The following PRKAR1A variants were observed in gnomAD, a reference collection of about 807,000 sequenced individuals.
The protein encoded by PRKAR1A is protein kinase cAMP-dependent type I regulatory subunit alpha.
In PRKAR1A, 3 loss-of-function variants were observed where a neutral mutation model predicts 52.0. That is an observed-to-expected ratio of 0.06 (90% CI 0.03 to 0.15). The LOEUF is 0.15. Ranked by LOEUF, PRKAR1A falls within the 10% of genes least tolerant of loss-of-function variation. PRKAR1A has a pLI of 1.00. For missense variants in PRKAR1A, 240 were observed against 477.4 expected, an observed-to-expected ratio of 0.50 and a Z score of 4.63; for synonymous variants, 188 against 168.4, an observed-to-expected ratio of 1.12 and a Z score of -0.90.
At chr17:68,489,378 G>A in the PRKAR1A span, among the ~76,000 whole-genome samples, 5 of 51,680 alleles carry the variant, frequency 9.7e-5, no homozygotes, top group Non-Finnish European at 1.8e-4. Context: ...ATATATATAT[G>A]GAAAGTATAT....
At chr17:68,427,774 G>A in the PRKAR1A span, among the ~76,000 whole-genome samples, 2 of 152,184 alleles carry the variant, frequency 1.3e-5, no homozygotes, top group African/African-American at 2.4e-5. Flanking sequence ...CACAGGTGAG[G>A]ACATGCTAGC....
intron 11 of PRKAR1A, chr17:68,539,964 T>A (rs1568718753): frequency 6.2e-7 from 1 of 1,614,058 alleles, no homozygotes. Context: ...CGGTCCATAT[T>A]CCCTGTGAAG....
the PRKAR1A span, among the ~76,000 whole-genome samples, chr17:68,493,398 T>C: frequency 6.6e-6 from 1 of 152,182 alleles, no homozygotes; most frequent in East Asian, 1.9e-4. Flanking sequence ...GTAATATTTT[T>C]TAAAAGTTAA....
At chr17:68,474,250 A>T in the PRKAR1A span, among the ~76,000 whole-genome samples, 1 of 152,238 alleles carries the variant, frequency 6.6e-6, no homozygotes, top group Non-Finnish European at 1.5e-5. Context: ...ATTTAGTCAC[A>T]TCAACTCTGC....
chr17:68,531,890 G>C lies in PRKAR1A; in HGVS notation c.*1441G>C. On this transcript the variant is annotated 3_prime_UTR_variant, in exon 11 of 11. Coordinates refer to ENST00000589228, the MANE Select transcript of PRKAR1A (RefSeq NM_002734.5). ...TATTTTCATTGTGATTTATATATAAGGTAATGTAGGGTTATATTTGGGAGT... is the reference window on the plus strand; with the variant it reads ...TATTTTCATTGTGATTTATATATAACGTAATGTAGGGTTATATTTGGGAGT... 3 of 1,047,310 alleles carry C rather than the reference G, an allele frequency of 2.9e-6. No homozygotes were observed. The highest frequency in any genetic ancestry group is 3.5e-6 in the Non-Finnish European group (3 of 862,624). The allele number at this position is 1,047,310 out of a possible 1,614,324, so 64.9% of individuals were successfully genotyped here.
the PRKAR1A span, among the ~76,000 whole-genome samples, chr17:68,477,843 C>G: frequency 1.1e-4 from 16 of 152,248 alleles, no homozygotes; most frequent in East Asian, 2.9e-3. Context: ...CCACCTCAGC[C>G]TCCCAAGTAG....
chr17:68,481,061 C>T, the PRKAR1A span, among the ~76,000 whole-genome samples: 1 of 152,216 alleles, frequency 6.6e-6, no homozygotes. Flanking sequence ...GTTATAGCAA[C>T]AGCTCACCCT....
chr17:68,479,871 C>T, the PRKAR1A span, among the ~76,000 whole-genome samples: 9 of 152,324 alleles, frequency 5.9e-5, no homozygotes, highest in African/African-American at 2.2e-4. Flanking sequence ...GGGAAGAAAA[C>T]ACGTCCTTCT....
At chr17:68,440,160 G>A in the PRKAR1A span, among the ~76,000 whole-genome samples, 2 of 152,084 alleles carry the variant, frequency 1.3e-5, no homozygotes, top group African/African-American at 2.4e-5. Flanking sequence ...CTCCAGGCTC[G>A]CACCTCTACC....
the PRKAR1A span, among the ~76,000 whole-genome samples, chr17:68,465,783 T>A: frequency 1.3e-5 from 2 of 152,000 alleles, no homozygotes; most frequent in Non-Finnish European, 2.9e-5. Context: ...TCAGCTTTCT[T>A]GAGCTGTGAT....
chr17:68,507,179 C>T (rs985670302), upstream of PRKAR1A, among the ~76,000 whole-genome samples: 2 of 152,190 alleles, frequency 1.3e-5, no homozygotes, highest in Non-Finnish European at 2.9e-5. Flanking sequence ...AGTTACTGAT[C>T]CTAGTCAACG....
the PRKAR1A span, among the ~76,000 whole-genome samples, chr17:68,448,744 C>T: frequency 2.6e-5 from 4 of 152,266 alleles, no homozygotes; most frequent in African/African-American, 9.6e-5. Flanking sequence ...ACCTTGTATA[C>T]GGATTACTAC....
chr17:68,420,939 T>C, the PRKAR1A span: 1 of 160,996 alleles, frequency 6.2e-6, no homozygotes. Context: ...CTCTCTTTTC[T>C]CTTTTTTTCC....
intron 2 of PRKAR1A, among the ~76,000 whole-genome samples, chr17:68,521,779 T>G (rs1456352121): frequency 2.6e-5 from 4 of 152,242 alleles, no homozygotes; most frequent in African/African-American, 9.6e-5. Context: ...GTTCTGGAGA[T>G]TAATATATGG....
intron 2 of PRKAR1A, among the ~76,000 whole-genome samples, chr17:68,516,436 G>A (rs1360909659): frequency 6.6e-6 from 1 of 151,924 alleles, no homozygotes; most frequent in Non-Finnish European, 1.5e-5. Context: ...TTATGAGGTG[G>A]TTCATAATGA....
At chr17:68,535,874 C>T, downstream of PRKAR1A, 2 of 453,864 alleles carry the variant, frequency 4.4e-6, no homozygotes, top group South Asian at 3.1e-5. Flanking sequence ...TTTTGTGTTA[C>T]AGTGAAAAGA....
At chr17:68,424,075 G>A in the PRKAR1A span, among the ~76,000 whole-genome samples, 1 of 152,176 alleles carries the variant, frequency 6.6e-6, no homozygotes, top group Non-Finnish European at 1.5e-5. Flanking sequence ...TCTTGAGGGT[G>A]CAGAAGAACG....
the PRKAR1A span, among the ~76,000 whole-genome samples, chr17:68,489,295 GTA>G: frequency 2.8e-4 from 4 of 14,392 alleles, 1 homozygote; most frequent in African/African-American, 9.9e-4. Flanking sequence ...TATATGGAAA[GTA>G]TATATATATA....
At chr17:68,515,634 C>A (rs2085409688) in intron 2 of PRKAR1A, 58 bp downstream of exon 2, 1 of 1,542,370 alleles carries the variant, frequency 6.5e-7, no homozygotes. Flanking sequence ...CATTTAATAA[C>A]TGGAATGTTA....
Sources: allele counts gnomAD v4.1 joint callset (sites outside exome capture counted in the v4.1 genomes callset), GRCh38; gene constraint gnomAD v4.1.1; transcripts MANE v1.5; gene names NCBI Gene and HGNC (gene_info 2026-07-23, HGNC 2026-07-21).